Variants in BORCS5 observed in about 807,000 individuals in gnomAD.
The protein encoded by BORCS5 is BLOC-1-related complex subunit 5.
Under a neutral mutation model 22.1 loss-of-function variants are expected in BORCS5, and 17 were observed. The ratio of observed to expected loss-of-function variants is 0.77; its 90% confidence interval spans 0.53 to 1.15. The LOEUF is 1.15. Ranked by LOEUF, BORCS5 falls within the 50% of genes most tolerant of loss-of-function variation. The pLI, the probability that BORCS5 is intolerant of heterozygous loss-of-function variation, is 0.00. For synonymous variants in BORCS5, 117 were observed against 99.8 expected (o/e 1.17, Z -1.03); for missense variants, 247 against 253.2 (o/e 0.98, Z 0.17).
chr12:12,357,575 C>G, intron 1 of BORCS5, 66 bp downstream of exon 1: 2 of 1,541,736 alleles, frequency 1.3e-6, no homozygotes, highest in Non-Finnish European at 1.8e-6. Context: ...GGCTGCCTCC[C>G]AGACTAGGGT....
chr12:12,394,532 C>T (rs1334253580), intron 2 of BORCS5, among the ~76,000 whole-genome samples: 2 of 151,264 alleles, frequency 1.3e-5, no homozygotes, highest in Non-Finnish European at 2.9e-5. Flanking sequence ...ATAATTTTTG[C>T]CGCCCTTTAA....
chr12:12,391,580 G>A (rs1432500074), intron 2 of BORCS5, among the ~76,000 whole-genome samples: 1 of 151,128 alleles, frequency 6.6e-6, no homozygotes, highest in Non-Finnish European at 1.5e-5. Flanking sequence ...TAGAGACAGG[G>A]TTTCACCATG....
intron 2 of BORCS5, among the ~76,000 whole-genome samples, chr12:12,403,547 C>T (rs1024870254): frequency 1.3e-5 from 2 of 152,064 alleles, no homozygotes; most frequent in Non-Finnish European, 2.9e-5. Flanking sequence ...TAATTACATA[C>T]TTTTTTTTCC....
At chr12:12,421,748 A>G (rs1012639549) in intron 2 of BORCS5, among the ~76,000 whole-genome samples, 21 of 152,316 alleles carry the variant, frequency 1.4e-4, no homozygotes, top group East Asian at 3.9e-4. Flanking sequence ...TGGTGTATTA[A>G]GAGATTCATC....
At chr12:12,439,886 G>A (rs538671184) in intron 3 of BORCS5, among the ~76,000 whole-genome samples, 1 of 152,328 alleles carries the variant, frequency 6.6e-6, no homozygotes, top group African/African-American at 2.4e-5. Flanking sequence ...AGACCTAAGG[G>A]TTGAAATTAG....
intron 2 of BORCS5, among the ~76,000 whole-genome samples, chr12:12,364,877 G>C (rs1440435494): frequency 6.6e-6 from 1 of 152,190 alleles, no homozygotes. Context: ...TGAGGTGGGA[G>C]TATCACTTGA....
intron 2 of BORCS5, among the ~76,000 whole-genome samples, chr12:12,406,023 G>A (rs1941587935): frequency 6.6e-6 from 1 of 152,228 alleles, no homozygotes; most frequent in African/African-American, 2.4e-5. Context: ...AACAATGCTG[G>A]CTGGCATTGG....
At position 12,465,820 on chromosome 12, in the gene BORCS5, A is replaced by G. The variant is rs1266175277; in HGVS notation, c.*44A>G. The G allele has an allele frequency of 1.3e-6, 2 of 1,518,146 alleles. No individual in the cohort carries two copies. Among genetic ancestry groups the G allele is most frequent in the Non-Finnish European group, 1.8e-6 (2 of 1,110,368 alleles). 94.0% of individuals were successfully genotyped at this position (1,518,146 alleles called of 1,614,324 possible). ...GGGGCTGGGAGCCCCAGACACCGAC[A>G]CCCTGAGGACGTGTGGAGCTAAGGT... On this transcript the variant is annotated 3_prime_UTR_variant, in exon 4 of 4. Coordinates refer to ENST00000314565, the MANE Select transcript of BORCS5 (RefSeq NM_058169.6).
intron 2 of BORCS5, among the ~76,000 whole-genome samples, chr12:12,413,127 T>TTTTA (rs1491343582): frequency 1.1e-5 from 1 of 87,166 alleles, no homozygotes; most frequent in African/African-American, 6.2e-5. Context: ...TTTTTTTTTT[T>TTTTA]ATTGATCATT....
chr12:12,422,787 A>T (rs1343028199), intron 2 of BORCS5, among the ~76,000 whole-genome samples: 1 of 152,192 alleles, frequency 6.6e-6, no homozygotes, highest in African/African-American at 2.4e-5. Flanking sequence ...TACTTTTTTA[A>T]TGCAGTAATC....
At chr12:12,425,852 G>A (rs4763825) in intron 2 of BORCS5, among the ~76,000 whole-genome samples, 85,757 of 150,396 alleles carry the variant, frequency 0.57, 24,594 homozygotes, top group African/African-American at 0.61. Context: ...GGTAGGATAG[G>A]CCAGTCATAC....
At chr12:12,456,473 C>G (rs150444585) in intron 3 of BORCS5, among the ~76,000 whole-genome samples, 3 of 152,332 alleles carry the variant, frequency 2.0e-5, no homozygotes, top group African/African-American at 7.2e-5. Context: ...GATGACCCAT[C>G]TGCCTCAAAC....
chr12:12,466,580 A>T lies in BORCS5; in HGVS notation c.*804A>T, dbSNP rs747953895. ...AGGCCTTCATTTCTGAAAAGAAAAA[A>T]GCTCAAAAAGCTGCTGAATTTCTCT... On this transcript the variant is annotated 3_prime_UTR_variant, in exon 4 of 4. Transcript: ENST00000314565. 1 of 152,264 alleles carries T rather than the reference A, an allele frequency of 6.6e-6. No individual in the cohort carries two copies. Among genetic ancestry groups the T allele is most frequent in the Non-Finnish European group, 1.5e-5 (1 of 68,076 alleles). 9.4% of individuals were successfully genotyped at this position (152,264 alleles called of 1,614,324 possible).
intron 2 of BORCS5, among the ~76,000 whole-genome samples, chr12:12,380,210 T>C (rs1391788001): frequency 6.6e-6 from 1 of 151,206 alleles, no homozygotes; most frequent in African/African-American, 2.4e-5. Flanking sequence ...ATCATAATAA[T>C]GGAAGTTTGA....
chr12:12,363,033 C>T (rs1863326518), intron 2 of BORCS5, among the ~76,000 whole-genome samples: 1 of 151,954 alleles, frequency 6.6e-6, no homozygotes, highest in African/African-American at 2.4e-5. Flanking sequence ...TGGTGGCTCA[C>T]ACCTGTAATT....
intron 2 of BORCS5, among the ~76,000 whole-genome samples, chr12:12,428,899 GT>G (rs1565904850): frequency 6.6e-6 from 1 of 152,112 alleles, no homozygotes; most frequent in African/African-American, 2.4e-5. Context: ...AAAATCCTAA[GT>G]GTAAAAAACA....
At chr12:12,410,230 A>G (rs1293218073) in intron 2 of BORCS5, among the ~76,000 whole-genome samples, 1 of 152,148 alleles carries the variant, frequency 6.6e-6, no homozygotes, top group Non-Finnish European at 1.5e-5. Context: ...CTTGAGTTTA[A>G]TTAGATCCCA....
intron 3 of BORCS5, among the ~76,000 whole-genome samples, chr12:12,436,295 C>T (rs1228586076): frequency 6.6e-6 from 1 of 152,116 alleles, no homozygotes; most frequent in African/African-American, 2.4e-5. Flanking sequence ...CCTATTTAAC[C>T]CGCAAAGTTT....
At chr12:12,400,374 G>A (rs1187346047) in intron 2 of BORCS5, among the ~76,000 whole-genome samples, 1 of 152,130 alleles carries the variant, frequency 6.6e-6, no homozygotes, top group East Asian at 1.9e-4. Context: ...GTGGGCATGG[G>A]TTTTCCTGAA....
Sources: gnomAD v4.1 joint callset for allele counts (sites outside exome capture counted in the v4.1 genomes callset) on GRCh38, gnomAD v4.1.1 for gene constraint, MANE v1.5 for transcripts, NCBI Gene and HGNC (gene_info 2026-07-23, HGNC 2026-07-21) for gene names.